Variants in ADARB2 observed in about 807,000 individuals in gnomAD.
The protein encoded by ADARB2 is inactive double-stranded RNA-specific editase B2.
ADARB2 carries 25 observed loss-of-function variants against 62.2 expected under a neutral mutation model. The ratio of observed to expected loss-of-function variants is 0.40; its 90% CI spans 0.29 to 0.56. The LOEUF is 0.56. Among genes scored for constraint, ADARB2 ranks in the 20% least tolerant of loss-of-function variants. ADARB2 has a pLI of 0.43. For missense variants in ADARB2, 1,071 were observed against 1,077.4 expected (o/e 0.99, Z 0.08); for synonymous variants, 572 against 500.8 (o/e 1.14, Z -1.90).
chr10:1,510,121 TTTC>T (rs1257427569), intron 1 of ADARB2, among the ~76,000 whole-genome samples: 2 of 115,680 alleles, frequency 1.7e-5, no homozygotes, highest in African/African-American at 7.2e-5. Context: ...TCTTTCTTTC[TTTC>T]TTTCTTTCTT....
At chr10:1,712,539 C>T (rs1195353641) in intron 1 of ADARB2, among the ~76,000 whole-genome samples, 1 of 151,896 alleles carries the variant, frequency 6.6e-6, no homozygotes, top group Non-Finnish European at 1.5e-5. Flanking sequence ...CTGTGGGAAG[C>T]AACCCGGGAG....
intron 3 of ADARB2, among the ~76,000 whole-genome samples, chr10:1,350,398 C>T (rs1321700877): frequency 1.3e-5 from 2 of 152,164 alleles, no homozygotes; most frequent in East Asian, 1.9e-4. Context: ...GGCTGCTCCT[C>T]GCCAGACCGA....
chr10:1,354,445 G>A (rs1405909901), intron 3 of ADARB2, among the ~76,000 whole-genome samples: 2 of 140,666 alleles, frequency 1.4e-5, no homozygotes, highest in Admixed American at 7.3e-5. Flanking sequence ...CCTATAAAAC[G>A]GCCCCACCCC....
chr10:1,621,355 A>G (rs989607721), intron 1 of ADARB2, among the ~76,000 whole-genome samples: 1 of 152,190 alleles, frequency 6.6e-6, no homozygotes, highest in Non-Finnish European at 1.5e-5. Context: ...GAACATTGTT[A>G]CATTTACAAG....
intron 8 of ADARB2, among the ~76,000 whole-genome samples, chr10:1,197,077 T>A (rs1401002242): frequency 2.0e-5 from 3 of 152,260 alleles, no homozygotes; most frequent in African/African-American, 7.2e-5. Context: ...ATTTTGTAGG[T>A]TACTCCAAAA....
At chr10:1,564,783 C>CTT (rs1564332087) in intron 1 of ADARB2, among the ~76,000 whole-genome samples, 1 of 23,900 alleles carries the variant, frequency 4.2e-5, no homozygotes, top group Non-Finnish European at 1.5e-4. Context: ...ACTTTTATTA[C>CTT]CTTTTTTTTT....
At chr10:1,454,116 G>A (rs147485797) in intron 1 of ADARB2, among the ~76,000 whole-genome samples, 36 of 152,282 alleles carry the variant, frequency 2.4e-4, no homozygotes, top group Middle Eastern at 3.4e-3. Context: ...GGGGAATGAG[G>A]AGCAAAGTCA....
chr10:1,715,694 AAAAAC>A (rs1172924986), intron 1 of ADARB2, among the ~76,000 whole-genome samples: 2 of 152,238 alleles, frequency 1.3e-5, no homozygotes, highest in Non-Finnish European at 2.9e-5. Flanking sequence ...TTTTATGCAA[AAAAAC>A]AAAAACAAAA....
At chr10:1,336,630 G>C (rs1407883013) in intron 3 of ADARB2, among the ~76,000 whole-genome samples, 2 of 152,144 alleles carry the variant, frequency 1.3e-5, no homozygotes, top group Non-Finnish European at 2.9e-5. Flanking sequence ...CTCTACTTAG[G>C]TTCAGCTGCT....
At chr10:1,444,281 A>AAATCCATC (rs758159917) in intron 1 of ADARB2, among the ~76,000 whole-genome samples, 23 of 117,568 alleles carry the variant, frequency 2.0e-4, no homozygotes, top group Non-Finnish European at 3.4e-4. Flanking sequence ...CCATCTATCT[A>AAATCCATC]CATCCATCCA....
intron 2 of ADARB2, 132 bp downstream of exon 2, chr10:1,378,942 C>T (rs141173298): frequency 5.6e-6 from 4 of 708,930 alleles, no homozygotes; most frequent in Non-Finnish European, 7.4e-6. Flanking sequence ...AGAGCAGATA[C>T]TGTCTCTCCA....
intron 1 of ADARB2, among the ~76,000 whole-genome samples, chr10:1,434,130 G>C (rs1830807239): frequency 6.6e-6 from 1 of 152,140 alleles, no homozygotes; most frequent in Non-Finnish European, 1.5e-5. Context: ...TAGATTCCGA[G>C]AAGGCTGATA....
intron 1 of ADARB2, among the ~76,000 whole-genome samples, chr10:1,725,001 T>C (rs1285237840): frequency 6.6e-6 from 1 of 152,164 alleles, no homozygotes. Flanking sequence ...CAGTAAATAT[T>C]AGTTATTAAT....
At chr10:1,725,347 TA>T (rs1346103255) in intron 1 of ADARB2, among the ~76,000 whole-genome samples, 2 of 152,102 alleles carry the variant, frequency 1.3e-5, no homozygotes, top group Non-Finnish European at 2.9e-5. Context: ...CCATCATGGG[TA>T]GGGGGGCCTC....
intron 1 of ADARB2, among the ~76,000 whole-genome samples, chr10:1,457,932 A>G (rs1831116072): frequency 6.6e-6 from 1 of 151,976 alleles, no homozygotes; most frequent in African/African-American, 2.4e-5. Flanking sequence ...TTCTCTTTGC[A>G]CGTAAAATGT....
At position 1,604,875 on chromosome 10, in the gene ADARB2, C is replaced by A. The variant is rs148523416; in HGVS notation, c.100+132176G>T. ...ACGTCTGTGTGCATGAAGCTCTGAG[C>A]AATACTACAAGTGTCTCCCAATTTT... On this transcript the variant is annotated intron_variant, in intron 1 of 9. Coordinates refer to ENST00000381312, the MANE Select transcript of ADARB2 (RefSeq NM_018702.4). 1.7e-3 allele frequency among the ~76,000 whole-genome samples: 254 copies of A among 152,260 alleles called. 2 individuals are homozygous for A. Among genetic ancestry groups the A allele is most frequent in the African/African-American group, 6.0e-3 (248 of 41,550 alleles).
At chr10:1,334,946 T>G (rs1226217198) in intron 3 of ADARB2, among the ~76,000 whole-genome samples, 1 of 152,198 alleles carries the variant, frequency 6.6e-6, no homozygotes, top group Non-Finnish European at 1.5e-5. Context: ...AGCTTAATTC[T>G]AACATTTTAT....
chr10:1,601,510 T>C (rs1833413088), intron 1 of ADARB2, among the ~76,000 whole-genome samples: 1 of 152,212 alleles, frequency 6.6e-6, no homozygotes, highest in South Asian at 2.1e-4. Flanking sequence ...TAAACACCGA[T>C]CTTAGCTATT....
At chr10:1,194,699 A>G (rs1312296887) in intron 8 of ADARB2, among the ~76,000 whole-genome samples, 1 of 152,110 alleles carries the variant, frequency 6.6e-6, no homozygotes, top group Admixed American at 6.5e-5. Flanking sequence ...CTGTTAAACA[A>G]ATTATTTTAT....
Sources: allele counts gnomAD v4.1 joint callset (sites outside exome capture counted in the v4.1 genomes callset), GRCh38; gene constraint gnomAD v4.1.1; transcripts MANE v1.5; gene names NCBI Gene and HGNC (gene_info 2026-07-23, HGNC 2026-07-21).